The following CSNK1A1 variants were observed in gnomAD, a reference collection of about 807,000 sequenced individuals.
CSNK1A1 encodes the protein casein kinase 1 alpha 1, also known as casein kinase I isoform alpha.
In CSNK1A1, 7 loss-of-function variants were observed where a neutral mutation model predicts 46.1. The ratio of observed to expected loss-of-function variants is 0.15; its 90% CI spans 0.09 to 0.29. The LOEUF (loss-of-function observed/expected upper bound fraction) is 0.29. CSNK1A1 is among the 10% of genes least tolerant of loss of function. The pLI is 1.00. For synonymous variants in CSNK1A1, 137 were observed against 141.5 expected, an observed-to-expected ratio of 0.97 and a Z score of 0.23; for missense variants, 96 against 417.1, an observed-to-expected ratio of 0.23 and a Z score of 6.71.
intron 2 of CSNK1A1, among the ~76,000 whole-genome samples, chr5:149,538,083 C>T (rs1228408175): frequency 7.7e-6 from 1 of 130,020 alleles, no homozygotes; most frequent in Non-Finnish European, 1.5e-5. Flanking sequence ...AGTGCAATGG[C>T]GCGATCCTGG....
rs117743817 is a variant in CSNK1A1, at chr5:149,547,424, G to A, written c.230+2651C>T. Among the ~76,000 whole-genome samples, 515 of 152,292 alleles carry A rather than the reference G, an allele frequency of 3.4e-3. 19 individuals carry two copies. In the East Asian group the frequency reaches 0.083, roughly 25 times the overall value. On this transcript the variant is annotated intron_variant, in intron 2 of 9. Coordinates refer to ENST00000377843, the MANE Select transcript of CSNK1A1 (RefSeq NM_001892.6). Reference sequence around the variant, plus strand: ...ATAAAAGGACATGTACTGTACTTGGGTTTAGCACTGAAAAATGACAATGCT... The same window carrying A: ...ATAAAAGGACATGTACTGTACTTGGATTTAGCACTGAAAAATGACAATGCT...
At chr5:149,503,740 G>A in intron 9 of CSNK1A1, 1 of 985,282 alleles carries the variant, frequency 1.0e-6, no homozygotes, top group Non-Finnish European at 1.2e-6. Flanking sequence ...CTTGTTTATT[G>A]AATAAGAGAC....
chr5:149,542,342 A>C (rs1206352073), intron 2 of CSNK1A1, among the ~76,000 whole-genome samples: 1 of 151,688 alleles, frequency 6.6e-6, no homozygotes, highest in East Asian at 1.9e-4. Flanking sequence ...TGAGTTGTAT[A>C]ATTATTTCAT....
rs563288886 is a variant in CSNK1A1 at position 149,522,711 on chromosome 5, C to T, written c.358-2323G>A. ...CAGAGCAAGACTTAGGTGTCAACTA[C>T]CTTAAATGAAAGCTTTCTTGTATCT... On this transcript the variant is annotated intron_variant, in intron 3 of 9. Coordinates refer to ENST00000377843, the MANE Select transcript of CSNK1A1 (RefSeq NM_001892.6). Among the ~76,000 whole-genome samples the T allele has an allele frequency of 5.3e-5, 8 of 152,292 alleles. No individual in the cohort carries two copies. The South Asian group carries it at 1.0e-3, about 20-fold the overall frequency.
At chr5:149,539,875 C>T (rs961702906) in intron 2 of CSNK1A1, among the ~76,000 whole-genome samples, 2 of 152,106 alleles carry the variant, frequency 1.3e-5, no homozygotes, top group Non-Finnish European at 2.9e-5. Context: ...TTATAAGAAA[C>T]ACCAACTTAC....
intron 2 of CSNK1A1, among the ~76,000 whole-genome samples, chr5:149,531,922 C>T (rs987675315): frequency 6.6e-6 from 1 of 151,842 alleles, no homozygotes; most frequent in African/African-American, 2.4e-5. Flanking sequence ...CTCACTGTGT[C>T]GCCCAGGCTG....
chr5:149,505,280 TAAA>T, intron 9 of CSNK1A1, 164 bp downstream of exon 9: 1 of 1,411,826 alleles, frequency 7.1e-7, no homozygotes, highest in Non-Finnish European at 9.2e-7. Flanking sequence ...CATTTGGGTT[TAAA>T]GTTAGTAGTC....
chr5:149,545,699 G>A, intron 2 of CSNK1A1: 1 of 747,740 alleles, frequency 1.3e-6, no homozygotes, highest in Non-Finnish European at 2.2e-6. Context: ...CCCTTCTTGT[G>A]CTTCTTGGCA....
At chr5:149,542,608 A>T (rs181054494) in intron 2 of CSNK1A1, among the ~76,000 whole-genome samples, 12 of 11,306 alleles carry the variant, frequency 1.1e-3, no homozygotes, top group East Asian at 6.0e-3. Flanking sequence ...ATATATATAT[A>T]TATATATATA....
At chr5:149,542,986 C>A (rs112827739) in intron 2 of CSNK1A1, among the ~76,000 whole-genome samples, 20 of 151,628 alleles carry the variant, frequency 1.3e-4, no homozygotes, top group African/African-American at 4.6e-4. Context: ...TGAACCACTG[C>A]GCCTGGCCAC....
chr5:149,545,603 T>G, intron 2 of CSNK1A1: 1 of 835,472 alleles, frequency 1.2e-6, no homozygotes, highest in South Asian at 1.3e-5. Flanking sequence ...ATCTTGGGCT[T>G]AACCTCCTTG....
rs1240375605 is a variant in CSNK1A1, at chr5:149,493,378, T to C, written c.*3475A>G. The C allele has an allele frequency of 6.6e-6, 1 of 151,452 alleles. No homozygotes were observed. The highest frequency in any genetic ancestry group is 2.4e-5 in the African/African-American group (1 of 41,264). 9.4% of individuals were successfully genotyped at this position (151,452 alleles called of 1,614,324 possible). A position where few individuals can be genotyped will look rare whatever the true frequency, so the allele number is the denominator to read the frequency against. On this transcript the variant is annotated 3_prime_UTR_variant, in exon 10 of 10. Coordinates refer to ENST00000377843, the MANE Select transcript of CSNK1A1 (RefSeq NM_001892.6). The stretch of plus-strand genomic sequence containing the variant: ...GCCAACCACTTTTTTTTTTTTTTTT[T>C]TTTTTAGATTTCCTTTGTGGCACCA...
rs1761530190 is a variant in CSNK1A1 at position 149,520,319 on chromosome 5, G to A, written c.427C>T (p.Leu143=). 2 of 1,609,222 alleles carry A rather than the reference G, an allele frequency of 1.2e-6. No homozygotes were observed. The highest frequency in any genetic ancestry group is 1.7e-6 in the Non-Finnish European group (2 of 1,176,200). ...IHRDIKPDNF[L]MGIGRHCNKL... ...TTACAGTGACGCCCAATACCCATTA[G>A]GAAGTTATCTGGTTTAATGTCTCTG... The change falls in exon 4 of 10, where the codon CTA becomes TTA. Residue 143 remains leucine, a synonymous_variant. Transcript: ENST00000377843.
intron 4 of CSNK1A1, among the ~76,000 whole-genome samples, chr5:149,516,048 A>T (rs1432491754): frequency 6.6e-6 from 1 of 152,208 alleles, no homozygotes; most frequent in Non-Finnish European, 1.5e-5. Flanking sequence ...GACCAGGTGC[A>T]GTGGCTCATG....
chr5:149,529,491 A>G (rs958272146), intron 2 of CSNK1A1: 4 of 242,710 alleles, frequency 1.6e-5, no homozygotes, highest in African/African-American at 4.5e-5. Flanking sequence ...GATTCACACA[A>G]AAGATCAATG....
At chr5:149,497,407 C>T (rs1212626207) in intron 9 of CSNK1A1, 5 of 985,614 alleles carry the variant, frequency 5.1e-6, no homozygotes, top group East Asian at 1.1e-4. Context: ...CTTTACCGGC[C>T]GCATTAGAAA....
In CSNK1A1 at chr5:149,517,768, G is replaced by A. The variant is rs190819733; in HGVS notation, c.456+2522C>T. On this transcript the variant is annotated intron_variant, in intron 4 of 9. Coordinates refer to ENST00000377843, the MANE Select transcript of CSNK1A1 (RefSeq NM_001892.6). The surrounding 1 kb of genome is among the most constrained non-coding windows in gnomAD (Gnocchi z 4.4). The stretch of plus-strand genomic sequence containing the variant: ...GAAAAGCACATGAATTTGGGATTGA[G>A]GTTGGAATAGGAGACAGTTTCAGAC... 26 of 1,412,872 alleles carry A rather than the reference G, an allele frequency of 1.8e-5. No individual in the cohort carries two copies. The highest frequency in any genetic ancestry group is 2.4e-5 in the Non-Finnish European group (24 of 1,009,650). The allele number at this position is 1,412,872 out of a possible 1,614,324, so 87.5% of individuals were successfully genotyped here.
chr5:149,509,829 T>C (rs571541171), intron 7 of CSNK1A1, 50 bp downstream of exon 7: 35 of 1,403,632 alleles, frequency 2.5e-5, no homozygotes, highest in Middle Eastern at 2.5e-4. Context: ...GTGTGAGCCA[T>C]TGTGCCTGGC....
At chr5:149,532,290 G>A (rs1761926467) in intron 2 of CSNK1A1, among the ~76,000 whole-genome samples, 1 of 151,940 alleles carries the variant, frequency 6.6e-6, no homozygotes, top group Admixed American at 6.6e-5. Context: ...ACAATAATGT[G>A]ATATAAAATA....
Sources: allele counts gnomAD v4.1 joint callset (sites outside exome capture counted in the v4.1 genomes callset), GRCh38; gene constraint gnomAD v4.1.1; non-coding constraint Gnocchi (gnomAD v3.1); transcripts MANE v1.5; gene names NCBI Gene and HGNC (gene_info 2026-07-23, HGNC 2026-07-21).